RHBDL3: variants seen among roughly 807,000 people sequenced by gnomAD.
The protein encoded by RHBDL3 is rhomboid-related protein 3.
Under a neutral mutation model 48.2 loss-of-function variants are expected in RHBDL3, and 28 were observed. That is an observed-to-expected ratio of 0.58 (90% CI 0.43 to 0.80). The LOEUF (loss-of-function observed/expected upper bound fraction) is 0.80. Ranked by LOEUF, RHBDL3 falls within the 30% of genes least tolerant of loss-of-function variation. RHBDL3 has a pLI of 0.00. For synonymous variants in RHBDL3, 208 were observed against 232.3 expected (o/e 0.90, Z 0.95); for missense variants, 464 against 542.7 (o/e 0.85, Z 1.44).
At chr17:32,299,317 G>A (rs939747523) in intron 6 of RHBDL3, among the ~76,000 whole-genome samples, 3 of 152,124 alleles carry the variant, frequency 2.0e-5, no homozygotes, top group Non-Finnish European at 4.4e-5. Flanking sequence ...CCCTTGGCCT[G>A]GGAGATTCAC....
chr17:32,290,275 A>G (rs1200082273), intron 4 of RHBDL3, among the ~76,000 whole-genome samples: 1 of 152,188 alleles, frequency 6.6e-6, no homozygotes, highest in Non-Finnish European at 1.5e-5. Context: ...CTCTTTGTGT[A>G]TAGTTTATCA....
At chr17:32,299,493 C>G (rs1248060997) in intron 6 of RHBDL3, among the ~76,000 whole-genome samples, 2 of 152,212 alleles carry the variant, frequency 1.3e-5, no homozygotes, top group African/African-American at 4.8e-5. Flanking sequence ...CCACACACCC[C>G]CTAATCCTGA....
At position 32,321,618 on chromosome 17, in the gene RHBDL3, T is replaced by A. The variant is rs1458844010; in HGVS notation, c.*389T>A. 2 of 358,982 alleles carry A rather than the reference T, an allele frequency of 5.6e-6. No individual in the cohort carries two copies. The highest frequency in any genetic ancestry group is 1.1e-5 in the Non-Finnish European group (2 of 186,850). The allele number at this position is 358,982 out of a possible 1,614,324, so 22.2% of individuals were successfully genotyped here. ...CTACCCTCAGAGACCCTAAGAGACA[T>A]GGGAAGGCTCGAAGGTTGTTGCGTC... On this transcript the variant is annotated 3_prime_UTR_variant, in exon 9 of 9. Transcript: ENST00000269051.
chr17:32,278,691 C>T (rs879727900), intron 2 of RHBDL3, among the ~76,000 whole-genome samples: 73 of 152,192 alleles, frequency 4.8e-4, no homozygotes, highest in Non-Finnish European at 1.6e-4. Flanking sequence ...GGCAACCCAG[C>T]TCTTGGTGCC....
At chr17:32,302,366 G>GT (rs940608789) in intron 6 of RHBDL3, among the ~76,000 whole-genome samples, 6 of 151,608 alleles carry the variant, frequency 4.0e-5, no homozygotes, top group East Asian at 3.9e-4. Context: ...GTTTTTTGGA[G>GT]TTTTTTTTGA....
rs778891200 is a variant in RHBDL3 at position 32,320,975 on chromosome 17, C to T, written c.961C>T (p.Arg321Trp). Residue 321 changes from arginine (R) to tryptophan (W), a missense_variant, in exon 9 of 9, where the codon CGG (arginine) becomes TGG (tryptophan). Physicochemically the swap from Arg to Trp is moderately radical, Grantham distance 101. Transcript: ENST00000269051. The part of the protein sequence containing the change: ...ALICMSMEFG[R>W]AVWLRFHPSA... ...CCTTGCAGTGAGCATGGAGTTTGGG[C>T]GGGCCGTGTGGCTCCGCTTCCACCC... 2.5e-6 allele frequency: 4 copies of T among 1,612,222 alleles called. No individual in the cohort carries two copies. Among genetic ancestry groups the T allele is most frequent in the African/African-American group, 2.7e-5 (2 of 75,006 alleles).
At chr17:32,266,665 G>A (rs986132912) in intron 1 of RHBDL3, among the ~76,000 whole-genome samples, 1 of 152,184 alleles carries the variant, frequency 6.6e-6, no homozygotes, top group Non-Finnish European at 1.5e-5. Context: ...CGCGACCTGC[G>A]AGCTCCCGGA....
intron 4 of RHBDL3, among the ~76,000 whole-genome samples, chr17:32,293,308 G>C (rs2040376186): frequency 6.6e-6 from 1 of 152,090 alleles, no homozygotes; most frequent in Non-Finnish European, 1.5e-5. Context: ...AAGGCCGGGC[G>C]CAGTGGCTCA....
chr17:32,300,954 C>T (rs980154363), intron 6 of RHBDL3, among the ~76,000 whole-genome samples: 1 of 151,920 alleles, frequency 6.6e-6, no homozygotes, highest in African/African-American at 2.4e-5. Flanking sequence ...GATCTCGGCT[C>T]ACTGCAACCT....
At chr17:32,303,794 C>T (rs1212991933) in intron 6 of RHBDL3, among the ~76,000 whole-genome samples, 1 of 152,152 alleles carries the variant, frequency 6.6e-6, no homozygotes, top group Non-Finnish European at 1.5e-5. Flanking sequence ...TCAGGGGGCT[C>T]TGCTGCCAGG....
chr17:32,306,464 G>C (rs913376322), intron 7 of RHBDL3, among the ~76,000 whole-genome samples: 1 of 151,808 alleles, frequency 6.6e-6, no homozygotes, highest in East Asian at 2.0e-4. Flanking sequence ...TGTCATGGGA[G>C]GGGGGCACCA....
At chr17:32,268,838 TG>T (rs2039698021) in intron 2 of RHBDL3, among the ~76,000 whole-genome samples, 1 of 152,072 alleles carries the variant, frequency 6.6e-6, no homozygotes, top group Non-Finnish European at 1.5e-5. Context: ...AAGCCAGGCT[TG>T]GGAAAGCTCC....
chr17:32,273,708 A>T (rs763186472), intron 2 of RHBDL3, among the ~76,000 whole-genome samples: 12 of 152,202 alleles, frequency 7.9e-5, no homozygotes, highest in Non-Finnish European at 1.8e-4. Flanking sequence ...GTAAAAAATA[A>T]AAAGACATAT....
chr17:32,266,430 C>A, intron 1 of RHBDL3, 130 bp downstream of exon 1: 1 of 455,572 alleles, frequency 2.2e-6, no homozygotes. Context: ...TTGGCCGGGT[C>A]CCCGCGGGCA....
intron 4 of RHBDL3, among the ~76,000 whole-genome samples, chr17:32,292,865 G>T (rs1293781617): frequency 6.7e-6 from 1 of 149,834 alleles, no homozygotes; most frequent in African/African-American, 2.5e-5. Context: ...TATAATCTCA[G>T]CACTTGAGGA....
At chr17:32,307,845 C>T (rs1011664229) in intron 7 of RHBDL3, among the ~76,000 whole-genome samples, 1 of 152,174 alleles carries the variant, frequency 6.6e-6, no homozygotes, top group African/African-American at 2.4e-5. Context: ...CTCCCCCCTC[C>T]CCCTGCCCCA....
chr17:32,317,301 C>T (rs2041000099), intron 8 of RHBDL3, among the ~76,000 whole-genome samples: 1 of 152,218 alleles, frequency 6.6e-6, no homozygotes, highest in Non-Finnish European at 1.5e-5. Flanking sequence ...TTTGAGATCC[C>T]TTGTTGAAAG....
In RHBDL3 at chr17:32,321,205, C is replaced by CT. The variant is rs1448899944; in HGVS notation, c.1193dup (p.Leu398PhefsTer66). 1 of 1,614,248 alleles carries CT rather than the reference C, an allele frequency of 6.2e-7. No individual in the cohort carries two copies. Among genetic ancestry groups the CT allele is most frequent in the Non-Finnish European group, 8.5e-7 (1 of 1,180,032 alleles). ...ACATCTTTGCCTACACCCTGCTGGA[C>CT]TTAAAGCTGCCGCCTCCCCCCTGAG... On this transcript the variant is annotated frameshift_variant, in exon 9 of 9. Transcript: ENST00000269051. LOFTEE classifies it high-confidence loss of function.
At chr17:32,275,175 A>C (rs930674937) in intron 2 of RHBDL3, among the ~76,000 whole-genome samples, 1 of 150,940 alleles carries the variant, frequency 6.6e-6, no homozygotes, top group Admixed American at 6.6e-5. Flanking sequence ...GCTGACATTC[A>C]CTCCCCACTC....
Sources: gnomAD v4.1 joint callset for allele counts (sites outside exome capture counted in the v4.1 genomes callset) on GRCh38, gnomAD v4.1.1 for gene constraint, MANE v1.5 for transcripts, NCBI Gene and HGNC (gene_info 2026-07-23, HGNC 2026-07-21) for gene names.